GBP4: variants seen among roughly 807,000 people sequenced by gnomAD.
GBP4 encodes guanylate-binding protein 4.
Under a neutral mutation model 62.2 loss-of-function variants are expected in GBP4, and 69 were observed. The observed-to-expected ratio is 1.11, with a 90% CI of 0.91 to 1.36. The LOEUF is 1.36. GBP4 is among the 40% of genes most tolerant of loss of function. The pLI, the probability that GBP4 is intolerant of heterozygous loss-of-function variation, is 0.00. For synonymous variants in GBP4, 278 were observed against 274.6 expected (o/e 1.01, Z -0.12); for missense variants, 697 against 759.3 (o/e 0.92, Z 0.96).
rs1647955624 is a variant in GBP4, at chr1:89,183,793, C to T, written c.*1461G>A. The T allele has an allele frequency of 6.6e-6, 1 of 152,202 alleles. No homozygotes were observed. Among genetic ancestry groups the T allele is most frequent in the African/African-American group, 2.4e-5 (1 of 41,436 alleles). The allele number at this position is 152,202 out of a possible 1,614,324, so 9.4% of individuals were successfully genotyped here. On this transcript the variant is annotated 3_prime_UTR_variant, in exon 11 of 11. Coordinates refer to ENST00000355754, the MANE Select transcript of GBP4 (RefSeq NM_052941.5). ...TATGTGGGGGGTTGAGGTGAAAGGA[C>T]TGCTTGAGCCTGGGAGGTTGAGGCT...
intron 5 of GBP4, 40 bp from the exon 6 acceptor site, chr1:89,191,546 C>T: frequency 7.5e-6 from 12 of 1,594,842 alleles, no homozygotes; most frequent in Non-Finnish European, 1.0e-5. Context: ...GAAGAGACAG[C>T]CTGCAGGCAA....
chr1:89,193,886 T>A (rs1426077423), intron 3 of GBP4, among the ~76,000 whole-genome samples: 1 of 152,114 alleles, frequency 6.6e-6, no homozygotes, highest in Non-Finnish European at 1.5e-5. Context: ...CATGTCAATA[T>A]ACAAATTCAA....
At chr1:89,189,432 G>T (rs994002511) in intron 7 of GBP4, among the ~76,000 whole-genome samples, 4 of 152,140 alleles carry the variant, frequency 2.6e-5, no homozygotes, top group African/African-American at 7.2e-5. Context: ...GTCCCATAAG[G>T]TTTCTCACTC....
At chr1:89,198,189 G>A (rs1237126970) in intron 1 of GBP4, among the ~76,000 whole-genome samples, 1 of 152,126 alleles carries the variant, frequency 6.6e-6, no homozygotes, top group African/African-American at 2.4e-5. Context: ...CAAACGCGGG[G>A]GGCTCTGGGT....
At chr1:89,196,249 T>C (rs774659261) in intron 2 of GBP4, among the ~76,000 whole-genome samples, 5 of 152,196 alleles carry the variant, frequency 3.3e-5, no homozygotes, top group Admixed American at 6.5e-5. Flanking sequence ...AAATAATGGG[T>C]ACACATAGTA....
intron 5 of GBP4, 135 bp downstream of exon 5, chr1:89,192,769 A>G (rs1648221308): frequency 1.4e-6 from 1 of 739,926 alleles, no homozygotes; most frequent in Admixed American, 3.1e-5. Context: ...TCACTTGTCA[A>G]TCACCAACCA....
chr1:89,185,044 C>T lies in GBP4; in HGVS notation c.*210G>A. On this transcript the variant is annotated 3_prime_UTR_variant, in exon 11 of 11. Transcript: ENST00000355754. ...AATGTCACTACTTCTGACTTGTTTC[C>T]CATGTTTATAAATTATTAGTTCAAT... 1.2e-5 allele frequency: 5 copies of T among 415,878 alleles called. No individual in the cohort carries two copies. The highest frequency in any genetic ancestry group is 1.7e-5 in the Non-Finnish European group (4 of 235,274). 25.8% of individuals were successfully genotyped at this position (415,878 alleles called of 1,614,324 possible).
At chr1:89,192,720 C>T (rs1648218323) in intron 5 of GBP4, among the ~76,000 whole-genome samples, 184 bp downstream of exon 5, 1 of 152,206 alleles carries the variant, frequency 6.6e-6, no homozygotes, top group South Asian at 2.1e-4. Context: ...ACCTCAGCCT[C>T]TGGGAAATTT....
chr1:89,195,303 T>C lies in GBP4; in HGVS notation c.357A>G (p.Val119=). ...VLLDTEGLGD[V]EKSNPKNDSW... is the part of the protein sequence containing the mutation. ...TGAAGTTTCTCTGCCTTACCTTTTC[T>C]ACATCGCCCAGGCCCTCGGTGTCCA... The change falls in exon 3 of 11, where the codon GTA becomes GTG. Residue 119 remains valine (V), a synonymous_variant. Coordinates refer to ENST00000355754, the MANE Select transcript of GBP4 (RefSeq NM_052941.5). The C allele has an allele frequency of 6.2e-7, 1 of 1,613,826 alleles. No homozygotes were observed.
chr1:89,192,887 A>G lies in GBP4; in HGVS notation c.670+17T>C, dbSNP rs753652717. 20 of 1,609,606 alleles carry G rather than the reference A, an allele frequency of 1.2e-5. 1 individual carries two copies. In the South Asian group the frequency reaches 2.2e-4, roughly 18 times the overall value. On this transcript the variant is annotated intron_variant, in intron 5 of 10. Transcript: ENST00000355754. Reference sequence around the variant, plus strand: ...CCCCCCACTGAACCTTCCCACATCCAGGCCATGCTCTGATACCTGGAATCA... The same window carrying G: ...CCCCCCACTGAACCTTCCCACATCCGGGCCATGCTCTGATACCTGGAATCA...
chr1:89,195,806 TA>T (rs1046767379), intron 2 of GBP4, among the ~76,000 whole-genome samples: 2 of 150,500 alleles, frequency 1.3e-5, no homozygotes, highest in East Asian at 1.9e-4. Context: ...AAAAATAATT[TA>T]AAAAAAAAGC....
In GBP4 at chr1:89,197,099, A is replaced by T. The variant is rs1283821042; in HGVS notation, c.235+11T>A. On this transcript the variant is annotated intron_variant, in intron 2 of 10. Transcript: ENST00000355754. ...CCAAGTAAATGGCTCCTGTCCTAGGACCACACTCACCATTGCGCTTTCCTG... is the reference window on the plus strand; with the variant it reads ...CCAAGTAAATGGCTCCTGTCCTAGGTCCACACTCACCATTGCGCTTTCCTG... The T allele has an allele frequency of 6.2e-7, 1 of 1,605,398 alleles. No homozygotes were observed. The highest frequency in any genetic ancestry group is 8.5e-7 in the Non-Finnish European group (1 of 1,174,716).
rs760568418 is a variant in GBP4 at position 89,190,238 on chromosome 1, G to C, written c.997C>G (p.Leu333Val). ...GCCGCTGGGTTCTCAAGCTGGGCCA[G>C]TGCTGTCACTGCATTCTCCAGACAA... is the stretch of plus-strand genomic sequence containing the variant. ...VPCLENAVTA[L>V]AQLENPAAVQ... The change falls in exon 7 of 11, where the codon CTG becomes GTG. Residue 333 changes from leucine to valine, a missense_variant. Leu to Val is a conservative substitution (Grantham distance 32, BLOSUM62 1). Transcript: ENST00000355754. 1 of 1,614,030 alleles carries C rather than the reference G, an allele frequency of 6.2e-7. No individual in the cohort carries two copies. The highest frequency in any genetic ancestry group is 1.1e-5 in the South Asian group (1 of 91,086).
intron 2 of GBP4, 137 bp downstream of exon 2, chr1:89,196,973 A>T (rs1370907287): frequency 5.0e-6 from 3 of 594,306 alleles, no homozygotes; most frequent in Non-Finnish European, 8.5e-6. Context: ...TGAGATTGTA[A>T]ATTTAGTGGT....
intron 1 of GBP4, among the ~76,000 whole-genome samples, chr1:89,198,480 TAC>T (rs2100681433): frequency 6.6e-6 from 1 of 152,046 alleles, no homozygotes; most frequent in African/African-American, 2.4e-5. Context: ...TGTATATGTA[TAC>T]TAGATGATGG....
intron 2 of GBP4, among the ~76,000 whole-genome samples, chr1:89,195,918 C>A (rs1412356205): frequency 1.3e-5 from 2 of 152,194 alleles, no homozygotes; most frequent in Non-Finnish European, 2.9e-5. Flanking sequence ...TTCTACAGGG[C>A]AGCACAAGTT....
chr1:89,183,050 A>G lies in GBP4; in HGVS notation c.*2204T>C, dbSNP rs1047830837. The stretch of plus-strand genomic sequence containing the variant: ...AATGACATTCTTCACAGAATTAGAA[A>G]CTACTTTAAAATTCATATGGAACCA... On this transcript the variant is annotated 3_prime_UTR_variant, in exon 11 of 11. Coordinates refer to ENST00000355754, the MANE Select transcript of GBP4 (RefSeq NM_052941.5). 3 of 152,196 alleles carry G rather than the reference A, an allele frequency of 2.0e-5. No homozygotes were observed. The highest frequency in any genetic ancestry group is 2.9e-5 in the Non-Finnish European group (2 of 68,022). The allele number at this position is 152,196 out of a possible 1,614,324, so 9.4% of individuals were successfully genotyped here. A position where few individuals can be genotyped will look rare whatever the true frequency, so the allele number is the denominator to read the frequency against.
chr1:89,182,933 C>G lies in GBP4; in HGVS notation c.*2321G>C, dbSNP rs1647927859. ...AGAAGGTCTCTCTCTTCCCTCAATTCTAGCTGCAAGTTTTGAGCACTAGAC... is the reference window on the plus strand; with the variant it reads ...AGAAGGTCTCTCTCTTCCCTCAATTGTAGCTGCAAGTTTTGAGCACTAGAC... On this transcript the variant is annotated 3_prime_UTR_variant, in exon 11 of 11. Transcript: ENST00000355754. 1 of 152,208 alleles carries G rather than the reference C, an allele frequency of 6.6e-6. No homozygotes were observed. The highest frequency in any genetic ancestry group is 2.4e-5 in the African/African-American group (1 of 41,458). 9.4% of individuals were successfully genotyped at this position (152,208 alleles called of 1,614,324 possible). A position where few individuals can be genotyped will look rare whatever the true frequency, so the allele number is the denominator to read the frequency against.
intron 8 of GBP4, 73 bp from the exon 9 acceptor site, chr1:89,187,175 C>T: frequency 8.4e-7 from 1 of 1,189,416 alleles, no homozygotes; most frequent in Non-Finnish European, 1.3e-6. Context: ...AATTATTGTT[C>T]AATAAAGTCA....
Sources: allele counts gnomAD v4.1 joint callset (sites outside exome capture counted in the v4.1 genomes callset), GRCh38; gene constraint gnomAD v4.1.1; transcripts MANE v1.5; gene names NCBI Gene and HGNC (gene_info 2026-07-23, HGNC 2026-07-21).